The following ABCD3 variants were observed in gnomAD, a reference collection of about 807,000 sequenced individuals.
The protein encoded by ABCD3 is ATP-binding cassette sub-family D member 3.
Under a neutral mutation model 105.5 loss-of-function variants are expected in ABCD3, and 41 were observed. That is an observed-to-expected ratio of 0.39 (90% CI 0.30 to 0.50). The LOEUF is 0.50. Ranked by LOEUF, ABCD3 falls within the 20% of genes least tolerant of loss-of-function variation. The probability of loss-of-function intolerance (pLI) is 0.84; values close to 1 mark genes in which losing one functional copy is unlikely to be tolerated. For missense variants in ABCD3, 622 were observed against 806.3 expected (o/e 0.77, Z 2.77); for synonymous variants, 258 against 269.0 (o/e 0.96, Z 0.40).
At chr1:94,433,384 C>T (rs1172067042) in intron 1 of ABCD3, among the ~76,000 whole-genome samples, 1 of 151,694 alleles carries the variant, frequency 6.6e-6, no homozygotes, top group Non-Finnish European at 1.5e-5. Flanking sequence ...AAACTCCTGA[C>T]CTCAGGTGAT....
intron 2 of ABCD3, among the ~76,000 whole-genome samples, chr1:94,464,316 G>C (rs1164846668): frequency 6.6e-6 from 1 of 151,702 alleles, no homozygotes; most frequent in Non-Finnish European, 1.5e-5. Context: ...GCAAAATTCT[G>C]TTCAGGATTT....
the ABCD3 span, among the ~76,000 whole-genome samples, chr1:94,408,401 G>A: frequency 6.6e-6 from 1 of 151,170 alleles, no homozygotes; most frequent in Non-Finnish European, 1.5e-5. Context: ...TGGCCAACAT[G>A]GTGAAACCCC....
At chr1:94,470,450 C>T (rs1488298276) in intron 4 of ABCD3, among the ~76,000 whole-genome samples, 2 of 152,124 alleles carry the variant, frequency 1.3e-5, no homozygotes, top group African/African-American at 2.4e-5. Flanking sequence ...CTTGCCATTC[C>T]GATTGCTCAG....
intron 1 of ABCD3, among the ~76,000 whole-genome samples, chr1:94,457,250 A>G (rs757653850): frequency 3.0e-4 from 45 of 152,340 alleles, no homozygotes; most frequent in Middle Eastern, 3.4e-3. Context: ...TTTACAATTC[A>G]TAAAAGATTT....
At chr1:94,399,641 G>T in the ABCD3 span, among the ~76,000 whole-genome samples, 1 of 152,174 alleles carries the variant, frequency 6.6e-6, no homozygotes, top group African/African-American at 2.4e-5. Context: ...TGGTGTTTTT[G>T]TTCAAGAGCA....
intron 4 of ABCD3, among the ~76,000 whole-genome samples, chr1:94,473,483 C>T (rs1648584618): frequency 6.6e-6 from 1 of 151,980 alleles, no homozygotes; most frequent in Non-Finnish European, 1.5e-5. Context: ...TCTTTTGTAG[C>T]CACTTAAGCC....
At chr1:94,481,492 A>T (rs1478600965) in intron 9 of ABCD3, 1 of 152,232 alleles carries the variant, frequency 6.6e-6, no homozygotes, top group Non-Finnish European at 1.5e-5. Flanking sequence ...AGCATGACTC[A>T]TGGCTCCAGT....
rs368174028 is a variant in ABCD3 at position 94,508,541 on chromosome 1, A to G, written c.1845+1899A>G. On this transcript the variant is annotated intron_variant, in intron 21 of 22. Coordinates refer to ENST00000370214, the MANE Select transcript of ABCD3 (RefSeq NM_002858.4). ...CAATTCTGTGAAGAAAGTCATTGGT[A>G]GCTTGATGGGGATGGCATTGAATCT... 1.4e-4 allele frequency among the ~76,000 whole-genome samples: 21 copies of G among 151,244 alleles called. No homozygotes were observed. In the South Asian group the frequency reaches 1.7e-3, roughly 12 times the overall value.
intron 1 of ABCD3, among the ~76,000 whole-genome samples, chr1:94,453,967 T>G (rs1647405044): frequency 6.6e-6 from 1 of 150,936 alleles, no homozygotes; most frequent in Non-Finnish European, 1.5e-5. Flanking sequence ...TTTATTGAAA[T>G]AAGGTTCTGA....
At chr1:94,409,891 T>G in the ABCD3 span, among the ~76,000 whole-genome samples, 1 of 152,146 alleles carries the variant, frequency 6.6e-6, no homozygotes, top group East Asian at 1.9e-4. Flanking sequence ...ATAGCTGGGT[T>G]CAAGGCAACA....
intron 1 of ABCD3, among the ~76,000 whole-genome samples, chr1:94,443,733 G>T (rs1660222695): frequency 6.6e-6 from 1 of 152,082 alleles, no homozygotes; most frequent in Non-Finnish European, 1.5e-5. Flanking sequence ...TTATTGAATG[G>T]GGTGTCCTTT....
chr1:94,463,220 CAGGGTAGG>C (rs1317604062), intron 2 of ABCD3, among the ~76,000 whole-genome samples: 2 of 152,128 alleles, frequency 1.3e-5, no homozygotes, highest in Non-Finnish European at 2.9e-5. Flanking sequence ...CCAGCAGTTG[CAGGGTAGG>C]TGGATTCTTT....
At chr1:94,483,727 G>C (rs890411640) in intron 10 of ABCD3, among the ~76,000 whole-genome samples, 5 of 152,022 alleles carry the variant, frequency 3.3e-5, no homozygotes, top group Non-Finnish European at 7.4e-5. Flanking sequence ...CAGGACATAG[G>C]CATGGGCAAG....
At chr1:94,448,568 T>C (rs903158229) in intron 1 of ABCD3, among the ~76,000 whole-genome samples, 2 of 152,258 alleles carry the variant, frequency 1.3e-5, no homozygotes, top group African/African-American at 4.8e-5. Context: ...ATTGAGGTAT[T>C]GACTGCTTTT....
chr1:94,483,019 G>C, intron 9 of ABCD3, 151 bp from the exon 10 acceptor site: 1 of 657,946 alleles, frequency 1.5e-6, no homozygotes, highest in Non-Finnish European at 2.8e-6. Flanking sequence ...AGAATCTCAG[G>C]TATAGACTGT....
At chr1:94,419,626 C>T (rs548762968) in intron 1 of ABCD3, among the ~76,000 whole-genome samples, 4 of 152,110 alleles carry the variant, frequency 2.6e-5, no homozygotes, top group South Asian at 2.1e-4. Flanking sequence ...ACTGTTGCCT[C>T]CCGTGTTTGA....
the ABCD3 span, among the ~76,000 whole-genome samples, chr1:94,401,308 G>A: frequency 1.3e-5 from 2 of 152,216 alleles, no homozygotes; most frequent in African/African-American, 2.4e-5. Context: ...GGTGCCCAGC[G>A]TGGGCAGACC....
chr1:94,438,996 C>T (rs1431170543), intron 1 of ABCD3, among the ~76,000 whole-genome samples: 1 of 152,146 alleles, frequency 6.6e-6, no homozygotes, highest in Non-Finnish European at 1.5e-5. Context: ...CCTAGTTCTG[C>T]AAGTAAATCC....
At chr1:94,446,280 G>A (rs761707257) in intron 1 of ABCD3, among the ~76,000 whole-genome samples, 80 of 152,306 alleles carry the variant, frequency 5.3e-4, no homozygotes, top group Non-Finnish European at 5.0e-4. Context: ...TGGTAGTGCC[G>A]TGGTAGATTT....
Sources: allele counts gnomAD v4.1 joint callset (sites outside exome capture counted in the v4.1 genomes callset), GRCh38; gene constraint gnomAD v4.1.1; transcripts MANE v1.5; gene names NCBI Gene and HGNC (gene_info 2026-07-23, HGNC 2026-07-21).